The following TAPT1 variants were observed in gnomAD, a reference collection of about 807,000 sequenced individuals.
The protein encoded by TAPT1 is transmembrane anterior posterior transformation 1.
TAPT1 carries 28 observed loss-of-function variants against 65.6 expected under a neutral mutation model. The ratio of observed to expected loss-of-function variants is 0.43; its 90% CI spans 0.32 to 0.59. The LOEUF is 0.59. Among genes scored for constraint, TAPT1 ranks in the 20% least tolerant of loss-of-function variants. The pLI, the probability that TAPT1 is intolerant of heterozygous loss-of-function variation, is 0.09. For missense variants in TAPT1, 563 were observed against 679.9 expected, an observed-to-expected ratio of 0.83 and a Z score of 1.91; for synonymous variants, 278 against 245.2, an observed-to-expected ratio of 1.13 and a Z score of -1.25.
intron 3 of TAPT1, among the ~76,000 whole-genome samples, chr4:16,192,717 TC>T (rs111809695): frequency 0.093 from 14,221 of 152,136 alleles, 2,093 homozygotes; most frequent in African/African-American, 0.31. Context: ...GAAAATGCTG[TC>T]TCTTGTTTTG....
intron 1 of TAPT1, among the ~76,000 whole-genome samples, chr4:16,223,998 A>C (rs960927680): frequency 1.3e-5 from 2 of 152,166 alleles, no homozygotes; most frequent in Admixed American, 1.3e-4. Context: ...TATGACTTTC[A>C]AAAAGAAAAG....
At chr4:16,176,454 T>C (rs1748332069) in intron 8 of TAPT1, 3 of 288,818 alleles carry the variant, frequency 1.0e-5, no homozygotes, top group Non-Finnish European at 1.9e-5. Flanking sequence ...GGCTCACGCC[T>C]GTAATCCCAG....
chr4:16,192,648 G>A (rs1247796902), intron 3 of TAPT1, among the ~76,000 whole-genome samples: 4 of 152,214 alleles, frequency 2.6e-5, no homozygotes, highest in Non-Finnish European at 5.9e-5. Context: ...TAAAATTCTT[G>A]TGATAAGAAT....
intron 2 of TAPT1, among the ~76,000 whole-genome samples, chr4:16,204,584 C>CTG (rs1298506208): frequency 6.6e-6 from 1 of 152,248 alleles, no homozygotes; most frequent in Non-Finnish European, 1.5e-5. Flanking sequence ...GTTCACCAGG[C>CTG]TCTCTGTCTC....
chr4:16,166,733 C>T lies in TAPT1; in HGVS notation c.1374G>A (p.Val458=), dbSNP rs1747648927. Residue 458 remains valine, a synonymous_variant, in exon 13 of 14, where the codon GTG becomes GTA. Coordinates refer to ENST00000405303, the MANE Select transcript of TAPT1 (RefSeq NM_153365.3). ...IVLLGKSCQY[V]KEAKMEEKLS... Reference sequence around the variant, plus strand: ...GCTTCTCTTCCATTTTGGCTTCCTTCACATACTGGCACGATTTCCCCAACA... The same window carrying T: ...GCTTCTCTTCCATTTTGGCTTCCTTTACATACTGGCACGATTTCCCCAACA... 6.2e-7 allele frequency: 1 copy of T among 1,613,844 alleles called. No homozygotes were observed. The highest frequency in any genetic ancestry group is 1.7e-5 in the Admixed American group (1 of 60,000).
At chr4:16,223,588 G>T (rs4235382) in intron 1 of TAPT1, among the ~76,000 whole-genome samples, 64,840 of 152,028 alleles carry the variant, frequency 0.43, 14,361 homozygotes, top group African/African-American at 0.55. Flanking sequence ...TGAGACATGC[G>T]TCAGCCTATT....
intron 7 of TAPT1, 131 bp from the exon 8 acceptor site, chr4:16,179,788 T>TTATATATATATATATATGTGTA (rs757324466): frequency 6.9e-6 from 3 of 431,746 alleles, no homozygotes; most frequent in Middle Eastern, 6.2e-4. Flanking sequence ...ATATACAACT[T>TTATATATATATATATATGTGTA]TATATATATA....
chr4:16,217,865 G>A (rs1274360824), intron 1 of TAPT1, among the ~76,000 whole-genome samples: 1 of 152,200 alleles, frequency 6.6e-6, no homozygotes, highest in Admixed American at 6.5e-5. Context: ...TGTATGTGTA[G>A]CTAAGTGACT....
At position 16,226,286 on chromosome 4, in the gene TAPT1, G is replaced by A; in HGVS notation, c.172C>T (p.Arg58Trp). The A allele has an allele frequency of 8.9e-7, 1 of 1,127,584 alleles. No homozygotes were observed. Among genetic ancestry groups the A allele is most frequent in the Non-Finnish European group, 1.1e-6 (1 of 921,926 alleles). 69.8% of individuals were successfully genotyped at this position (1,127,584 alleles called of 1,614,324 possible). The change falls in exon 1 of 14, where the codon CGG becomes TGG. Residue 58 changes from arginine to tryptophan, a missense_variant. Arg to Trp is a moderately radical substitution (Grantham distance 101). Transcript: ENST00000405303. ...ETLGFYESDR[R>W]RERRRGRTEL... The stretch of plus-strand genomic sequence containing the variant: ...GTGCGGCCCCGGCGCCTCTCCCGCC[G>A]CCGGTCGCTCTCGTAGAAGCCCAGC...
At chr4:16,223,647 A>C (rs1342935068) in intron 1 of TAPT1, among the ~76,000 whole-genome samples, 2 of 152,248 alleles carry the variant, frequency 1.3e-5, no homozygotes, top group Non-Finnish European at 2.9e-5. Context: ...CGAAGTGATG[A>C]GGAAAAGAAA....
At chr4:16,192,475 T>C (rs752762231) in intron 3 of TAPT1, among the ~76,000 whole-genome samples, 3 of 152,208 alleles carry the variant, frequency 2.0e-5, no homozygotes, top group Non-Finnish European at 4.4e-5. Context: ...GTGACTTCAG[T>C]TGAAATATTT....
chr4:16,196,599 G>T, intron 3 of TAPT1: 1 of 895,244 alleles, frequency 1.1e-6, no homozygotes, highest in Non-Finnish European at 1.6e-6. Flanking sequence ...GTTTACTTTT[G>T]CATTTAATGA....
At chr4:16,177,063 A>C (rs150240519) in intron 8 of TAPT1, among the ~76,000 whole-genome samples, 10 of 152,330 alleles carry the variant, frequency 6.6e-5, no homozygotes, top group African/African-American at 1.9e-4. Flanking sequence ...AATAAGACCT[A>C]GTGATAGATA....
intron 3 of TAPT1, chr4:16,196,814 G>A (rs1749733337): frequency 1.7e-6 from 1 of 595,492 alleles, no homozygotes; most frequent in African/African-American, 1.9e-5. Flanking sequence ...AATAAAACCT[G>A]GTGTTACGAA....
intron 1 of TAPT1, among the ~76,000 whole-genome samples, chr4:16,225,190 C>CA (rs150672088): frequency 0.042 from 6,416 of 152,266 alleles, 218 homozygotes; most frequent in African/African-American, 0.086. Flanking sequence ...TAGACTGCTT[C>CA]AAATAGAACC....
chr4:16,188,812 C>T (rs934296274), intron 4 of TAPT1, among the ~76,000 whole-genome samples: 2 of 151,942 alleles, frequency 1.3e-5, no homozygotes, highest in East Asian at 2.0e-4. Flanking sequence ...CCCAGCTACT[C>T]GGGAGGCTGA....
At chr4:16,225,349 T>C (rs1578495732) in intron 1 of TAPT1, among the ~76,000 whole-genome samples, 1 of 152,322 alleles carries the variant, frequency 6.6e-6, no homozygotes, top group Non-Finnish European at 1.5e-5. Flanking sequence ...CTTCAGGAAA[T>C]AACGGCTAAC....
In TAPT1 at chr4:16,163,311, G is replaced by A. The variant is rs764924921; in HGVS notation, c.1701C>T (p.Asp567=). 17 of 1,612,872 alleles carry A rather than the reference G, an allele frequency of 1.1e-5. No individual in the cohort carries two copies. The African/African-American group carries it at 2.0e-4, about 19-fold the overall frequency. ...TTCAGCGCATGAAGCCACAGATTCA[G>A]TCAATTCGGTTTCCACAAATTGTGA... ...DRFTICGNRI[D] is the part of the protein sequence containing the mutation. The change falls in exon 14 of 14, where the codon GAC becomes GAT. Residue 567 remains aspartate, a synonymous_variant. Coordinates refer to ENST00000405303, the MANE Select transcript of TAPT1 (RefSeq NM_153365.3).
At chr4:16,207,521 C>T (rs948300320) in intron 2 of TAPT1, among the ~76,000 whole-genome samples, 1 of 152,142 alleles carries the variant, frequency 6.6e-6, no homozygotes, top group Non-Finnish European at 1.5e-5. Context: ...CTACCCTCAC[C>T]ATTCCTCACA....
Sources: allele counts gnomAD v4.1 joint callset (sites outside exome capture counted in the v4.1 genomes callset), GRCh38; gene constraint gnomAD v4.1.1; transcripts MANE v1.5; gene names NCBI Gene and HGNC (gene_info 2026-07-23, HGNC 2026-07-21).